The following IFT43 variants were observed in gnomAD, a reference collection of about 807,000 sequenced individuals.
The protein encoded by IFT43 is intraflagellar transport 43, also known as intraflagellar transport protein 43 homolog.
IFT43 carries 33 observed loss-of-function variants against 32.3 expected under a neutral mutation model. The observed-to-expected ratio is 1.02, with a 90% CI of 0.77 to 1.37. IFT43 has a LOEUF of 1.37. IFT43 is among the 40% of genes most tolerant of loss of function. The pLI is 0.00. For missense variants in IFT43, 274 were observed against 265.9 expected, an observed-to-expected ratio of 1.03 and a Z score of -0.21; for synonymous variants, 93 against 98.2, an observed-to-expected ratio of 0.95 and a Z score of 0.31.
At chr14:76,011,583 C>G (rs2036086496) in intron 2 of IFT43, among the ~76,000 whole-genome samples, 1 of 152,186 alleles carries the variant, frequency 6.6e-6, no homozygotes, top group African/African-American at 2.4e-5. Context: ...TGTGAAAATG[C>G]CCAGTTGCCC....
At chr14:76,009,865 G>C (rs1415616796) in intron 2 of IFT43, among the ~76,000 whole-genome samples, 1 of 151,864 alleles carries the variant, frequency 6.6e-6, no homozygotes, top group Non-Finnish European at 1.5e-5. Context: ...TGCAATCTCA[G>C]CTCACTGCAA....
At chr14:76,040,969 A>G (rs1171397056) in intron 3 of IFT43, among the ~76,000 whole-genome samples, 3 of 152,236 alleles carry the variant, frequency 2.0e-5, no homozygotes, top group African/African-American at 7.2e-5. Context: ...TAAGGGCCCA[A>G]GTCAGCAGAA....
chr14:76,035,787 G>A (rs899363273), intron 3 of IFT43, among the ~76,000 whole-genome samples: 1 of 152,226 alleles, frequency 6.6e-6, no homozygotes, highest in African/African-American at 2.4e-5. Context: ...TGCACTGTGG[G>A]TGCCAGTGTG....
intron 2 of IFT43, among the ~76,000 whole-genome samples, chr14:75,992,497 ACTC>A (rs34578354): frequency 0.12 from 17,851 of 152,156 alleles, 1,119 homozygotes; most frequent in Middle Eastern, 0.19. Context: ...ACAGGCTACT[ACTC>A]ATTTATCCAT....
chr14:76,058,397 A>G (rs2037066282), intron 3 of IFT43: 1 of 455,582 alleles, frequency 2.2e-6, no homozygotes, highest in Non-Finnish European at 4.0e-6. Flanking sequence ...CACTCGCTCA[A>G]CCTGCACTTA....
chr14:76,042,942 CTCT>C (rs1326375154), intron 3 of IFT43, among the ~76,000 whole-genome samples: 2 of 152,184 alleles, frequency 1.3e-5, no homozygotes, highest in Admixed American at 6.5e-5. Flanking sequence ...GTGCCACCTT[CTCT>C]TATTGGGCCA....
chr14:76,020,155 A>G (rs2036263757), intron 2 of IFT43, among the ~76,000 whole-genome samples: 1 of 152,124 alleles, frequency 6.6e-6, no homozygotes, highest in African/African-American at 2.4e-5. Flanking sequence ...TTGTATTTTT[A>G]GTATAGATGG....
chr14:76,013,913 A>T (rs540057999), intron 2 of IFT43: 5 of 233,798 alleles, frequency 2.1e-5, no homozygotes, highest in Admixed American at 2.1e-4. Flanking sequence ...TATCACCCAA[A>T]CAATGACAAA....
chr14:76,058,906 T>C, intron 4 of IFT43: 1 of 1,463,034 alleles, frequency 6.8e-7, no homozygotes, highest in Non-Finnish European at 8.9e-7. Flanking sequence ...GGTTTTAGAA[T>C]TATATGTCCA....
At chr14:76,013,631 C>T (rs2036128099) in intron 2 of IFT43, 1 of 233,686 alleles carries the variant, frequency 4.3e-6, no homozygotes. Flanking sequence ...ACCAACTAGA[C>T]CTTTAAAATC....
intron 5 of IFT43, among the ~76,000 whole-genome samples, chr14:76,079,420 A>G (rs2037468587): frequency 2.6e-5 from 4 of 152,200 alleles, no homozygotes; most frequent in Non-Finnish European, 5.9e-5. Flanking sequence ...TAATACAGCA[A>G]CTGACTGGGT....
At chr14:76,070,884 C>G (rs2037309457) in intron 5 of IFT43, among the ~76,000 whole-genome samples, 1 of 152,202 alleles carries the variant, frequency 6.6e-6, no homozygotes, top group African/African-American at 2.4e-5. Context: ...CGCTGTGTTT[C>G]CTACACAGCC....
At chr14:76,043,590 A>G (rs1039046975) in intron 3 of IFT43, among the ~76,000 whole-genome samples, 1 of 152,138 alleles carries the variant, frequency 6.6e-6, no homozygotes, top group African/African-American at 2.4e-5. Flanking sequence ...GACATGGGAC[A>G]ACCTTGGGGT....
intron 2 of IFT43, among the ~76,000 whole-genome samples, chr14:76,006,163 G>A (rs2035977630): frequency 6.6e-6 from 1 of 152,180 alleles, no homozygotes; most frequent in Non-Finnish European, 1.5e-5. Context: ...CCAGCGACCA[G>A]AGCTAAGTCA....
intron 3 of IFT43, among the ~76,000 whole-genome samples, chr14:76,050,770 ATT>A (rs1271645214): frequency 1.3e-5 from 2 of 152,194 alleles, no homozygotes; most frequent in African/African-American, 4.8e-5. Context: ...CTAGTAGATG[ATT>A]AGTGATCCAG....
chr14:76,013,794 T>A (rs920099839), intron 2 of IFT43: 33 of 296,732 alleles, frequency 1.1e-4, no homozygotes, highest in African/African-American at 7.4e-4. Context: ...GGGCTAATTG[T>A]TCCTGACAAC....
chr14:76,028,389 AAAG>A (rs2036444895), intron 3 of IFT43, among the ~76,000 whole-genome samples: 1 of 152,130 alleles, frequency 6.6e-6, no homozygotes, highest in South Asian at 2.1e-4. Flanking sequence ...GTTTTCCTAT[AAAG>A]AAGAATTTAC....
chr14:76,038,082 C>G (rs1021874973), intron 3 of IFT43: 5 of 152,192 alleles, frequency 3.3e-5, no homozygotes, highest in Non-Finnish European at 7.3e-5. Context: ...CCCTTAGCCG[C>G]AAAGAACCCG....
rs529018673 is a variant in IFT43, at chr14:76,032,116, CTCTTA to C, written c.215+9727_215+9731del. Among the ~76,000 whole-genome samples the C allele has an allele frequency of 3.7e-3, 568 of 152,242 alleles. 1 individual carries two copies. Among genetic ancestry groups the C allele is most frequent in the Non-Finnish European group, 5.0e-3 (339 of 68,012 alleles). The stretch of plus-strand genomic sequence containing the variant: ...ATCCCTAGATCTCGGTAAGTGGTGA[CTCTTA>C]TCTTCCTAATTGCTCAGATTGTAAA... On this transcript the variant is annotated intron_variant, in intron 3 of 8. Transcript: ENST00000314067.
Sources: allele counts gnomAD v4.1 joint callset (sites outside exome capture counted in the v4.1 genomes callset), GRCh38; gene constraint gnomAD v4.1.1; transcripts MANE v1.5; gene names NCBI Gene and HGNC (gene_info 2026-07-23, HGNC 2026-07-21).